Variants in NAGK observed in about 807,000 individuals in gnomAD.
NAGK encodes N-acetyl-D-glucosamine kinase.
In NAGK, 35 loss-of-function variants were observed where a neutral mutation model predicts 42.9. That is an observed-to-expected ratio of 0.82 (90% CI 0.62 to 1.08). NAGK has a LOEUF of 1.08. Among genes scored for constraint, NAGK ranks in the 50% least tolerant of loss-of-function variants. The probability of loss-of-function intolerance (pLI) is 0.00; values close to 1 mark genes in which losing one functional copy is unlikely to be tolerated. For missense variants in NAGK, 446 were observed against 446.0 expected (o/e 1.00, Z 0.00); for synonymous variants, 172 against 176.0 (o/e 0.98, Z 0.18).
chr2:71,077,578 TG>T lies in NAGK; in HGVS notation c.788del (p.Gly263AspfsTer17). ...IDPVLFQGKIGLPILCVGSVW... is the reference protein window; with the variant it reads ...IDPVLFQGKIXLPILCVGSVW... ...CCCAGGTCTTGTTCCAGGGCAAGAT[TG>T]GACTCCCCATCCTGTGCGTGGGCTC... On this transcript the variant is annotated frameshift_variant, in exon 9 of 10. Transcript: ENST00000244204. LOFTEE classifies it high-confidence loss of function. 1 of 1,609,508 alleles carries T rather than the reference TG, an allele frequency of 6.2e-7. No homozygotes were observed. The highest frequency in any genetic ancestry group is 8.5e-7 in the Non-Finnish European group (1 of 1,177,994).
intron 7 of NAGK, 58 bp from the exon 8 acceptor site, chr2:71,076,546 A>G: frequency 7.2e-7 from 1 of 1,388,530 alleles, no homozygotes; most frequent in Non-Finnish European, 1.0e-6. Flanking sequence ...AGGATAGCCC[A>G]GGAATGGCAG....
chr2:71,078,600 A>G lies in NAGK; in HGVS notation c.*92A>G, dbSNP rs565861387. ...TGCTTCCTTTCTCCTTTTTACAAAA[A>G]CAAACATAGAAGAAAATAAATGCAC... On this transcript the variant is annotated 3_prime_UTR_variant, in exon 10 of 10. Transcript: ENST00000244204. 5.5e-5 allele frequency: 75 copies of G among 1,372,744 alleles called. 1 individual carries two copies. The South Asian group carries it at 1.1e-3, about 20-fold the overall frequency. The allele number at this position is 1,372,744 out of a possible 1,614,324, so 85.0% of individuals were successfully genotyped here. A position where few individuals can be genotyped will look rare whatever the true frequency, so the allele number is the denominator to read the frequency against.
At position 71,078,949 on chromosome 2, in the gene NAGK, T is replaced by C. The variant is rs893573649; in HGVS notation, c.*441T>C. On this transcript the variant is annotated 3_prime_UTR_variant, in exon 10 of 10. Coordinates refer to ENST00000244204, the MANE Select transcript of NAGK (RefSeq NM_017567.6). ...GTCAGCAGAAACAAGTGCTCACCATTCAGAACATCACAGGGAGTAACCTTA... is the reference window on the plus strand; with the variant it reads ...GTCAGCAGAAACAAGTGCTCACCATCCAGAACATCACAGGGAGTAACCTTA... The C allele has an allele frequency of 1.9e-5, 3 of 160,974 alleles. No homozygotes were observed. Among genetic ancestry groups the C allele is most frequent in the Non-Finnish European group, 2.7e-5 (2 of 72,964 alleles). The allele number at this position is 160,974 out of a possible 1,614,324, so 10.0% of individuals were successfully genotyped here.
Position 71,076,712 on chromosome 2 carries a change from G to T in NAGK, c.765+11G>T. The T allele has an allele frequency of 2.5e-6, 4 of 1,610,778 alleles. No homozygotes were observed. The highest frequency in any genetic ancestry group is 3.4e-6 in the Non-Finnish European group (4 of 1,177,282). The stretch of plus-strand genomic sequence containing the variant: ...CCCGAGATTGACCCGGTGAGTTGAG[G>T]TGGGAGTGAAGGTGGGGAGCTGCTG... On this transcript the variant is annotated intron_variant, in intron 8 of 9. Coordinates refer to ENST00000244204, the MANE Select transcript of NAGK (RefSeq NM_017567.6).
At chr2:71,069,028 G>A in intron 1 of NAGK, 1 of 1,121,086 alleles carries the variant, frequency 8.9e-7, no homozygotes, top group South Asian at 3.1e-5. Flanking sequence ...TCCTATTCCT[G>A]ACCTCGGACA....
At position 71,078,315 on chromosome 2, in the gene NAGK, C is replaced by T. The variant is rs779868115; in HGVS notation, c.845-3C>T. Reference sequence around the variant, plus strand: ...ATCTCTGTCCTTGTGTTCTTCCCTCCAGGTTTTCTTCTGGCGCTGACCCAG... The same window carrying T: ...ATCTCTGTCCTTGTGTTCTTCCCTCTAGGTTTTCTTCTGGCGCTGACCCAG... On this transcript the variant is annotated splice_region_variant and splice_polypyrimidine_tract_variant and intron_variant, in intron 9 of 9. Transcript: ENST00000244204. 5 of 1,613,854 alleles carry T rather than the reference C, an allele frequency of 3.1e-6. No homozygotes were observed. The South Asian group carries it at 5.5e-5, about 18-fold the overall frequency.
At chr2:71,074,972 GT>G (rs1672156608) in intron 6 of NAGK, 1 of 152,264 alleles carries the variant, frequency 6.6e-6, no homozygotes. Flanking sequence ...CCTTAGAGGT[GT>G]TAAAGATGTA....
At position 71,079,099 on chromosome 2, in the gene NAGK, T is replaced by C. The variant is rs1410759669; in HGVS notation, c.*591T>C. The stretch of plus-strand genomic sequence containing the variant: ...AGGTAAGCAGGACATTTTGAAGTTT[T>C]TCCTATGAATGAGTTTTTGAAAGGT... On this transcript the variant is annotated 3_prime_UTR_variant, in exon 10 of 10. Transcript: ENST00000244204. 13 of 152,448 alleles carry C rather than the reference T, an allele frequency of 8.5e-5. No homozygotes were observed. Among genetic ancestry groups the C allele is most frequent in the Admixed American group, 7.8e-4 (12 of 15,296 alleles). The allele number at this position is 152,448 out of a possible 1,614,324, so 9.4% of individuals were successfully genotyped here. A position where few individuals can be genotyped will look rare whatever the true frequency, so the allele number is the denominator to read the frequency against.
chr2:71,078,615 A>G lies in NAGK; in HGVS notation c.*107A>G. The G allele has an allele frequency of 1.5e-6, 2 of 1,316,270 alleles. No homozygotes were observed. Among genetic ancestry groups the G allele is most frequent in the Non-Finnish European group, 2.0e-6 (2 of 980,786 alleles). The allele number at this position is 1,316,270 out of a possible 1,614,324, so 81.5% of individuals were successfully genotyped here. Reference sequence around the variant, plus strand: ...TTTTACAAAAACAAACATAGAAGAAAATAAATGCACTTTATCCACTCCCCA... The same window carrying G: ...TTTTACAAAAACAAACATAGAAGAAGATAAATGCACTTTATCCACTCCCCA... On this transcript the variant is annotated 3_prime_UTR_variant, in exon 10 of 10. Coordinates refer to ENST00000244204, the MANE Select transcript of NAGK (RefSeq NM_017567.6).
intron 9 of NAGK, 128 bp from the exon 10 acceptor site, chr2:71,078,190 C>A (rs1230384082): frequency 4.6e-6 from 4 of 875,090 alleles, no homozygotes; most frequent in Non-Finnish European, 7.1e-6. Flanking sequence ...GGGCACTTGG[C>A]ATGTAGGCCC....
intron 1 of NAGK, chr2:71,069,733 G>A (rs1438876354): frequency 6.5e-6 from 1 of 154,564 alleles, no homozygotes; most frequent in African/African-American, 2.4e-5. Flanking sequence ...GAAATTTCAT[G>A]TCCTCTTTGA....
intron 6 of NAGK, chr2:71,074,610 A>G (rs184659682): frequency 6.6e-6 from 1 of 152,318 alleles, no homozygotes; most frequent in East Asian, 1.9e-4. Context: ...CCCCTCAGAC[A>G]TTTACTTAAA....
chr2:71,068,724 C>T lies in NAGK; in HGVS notation c.29+12C>T. On this transcript the variant is annotated intron_variant, in intron 1 of 9. Coordinates refer to ENST00000244204, the MANE Select transcript of NAGK (RefSeq NM_017567.6). The stretch of plus-strand genomic sequence containing the variant: ...GGGGGTGTAGAGGGGTGAGTGCGGC[C>T]CGGCGGAGGGAGCCTGGGCCCGAAG... The T allele has an allele frequency of 6.9e-7, 1 of 1,456,438 alleles. No individual in the cohort carries two copies. The highest frequency in any genetic ancestry group is 9.0e-7 in the Non-Finnish European group (1 of 1,107,444). The allele number at this position is 1,456,438 out of a possible 1,614,324, so 90.2% of individuals were successfully genotyped here. A position where few individuals can be genotyped will look rare whatever the true frequency, so the allele number is the denominator to read the frequency against.
At chr2:71,075,267 A>T (rs78301832) in intron 6 of NAGK, 4,389 of 287,832 alleles carry the variant, frequency 0.015, 170 homozygotes, top group African/African-American at 0.085. Context: ...GGAAAAAAAA[A>T]AAATTACAAA....
intron 8 of NAGK, 33 bp from the exon 9 acceptor site, chr2:71,077,525 G>A: frequency 1.3e-6 from 2 of 1,576,754 alleles, no homozygotes; most frequent in Non-Finnish European, 1.7e-6. Flanking sequence ...AGGCTAGGTT[G>A]GCCCCCATAT....
rs913691898 is a variant in NAGK, at chr2:71,072,562, G to A, written c.356-79G>A. 67 of 1,237,204 alleles carry A rather than the reference G, an allele frequency of 5.4e-5. 1 individual carries two copies. The South Asian group carries it at 8.1e-4, about 15-fold the overall frequency. 76.6% of individuals were successfully genotyped at this position (1,237,204 alleles called of 1,614,324 possible). ...ATTCCCTTGCCTGGGGCTGTTTTCT[G>A]TCCTGTCTTTCCACAGTGGCAAGCT... On this transcript the variant is annotated intron_variant, in intron 4 of 9. Transcript: ENST00000244204.
intron 5 of NAGK, 158 bp from the exon 6 acceptor site, chr2:71,073,324 A>AC (rs1349203838): frequency 1.1e-4 from 21 of 190,572 alleles, no homozygotes; most frequent in South Asian, 3.5e-4. Flanking sequence ...AGACCCTCCC[A>AC]CCCCCCTCTC....
rs2103728030 is a variant in NAGK at position 71,078,749 on chromosome 2, C to T, written c.*241C>T. On this transcript the variant is annotated 3_prime_UTR_variant, in exon 10 of 10. Transcript: ENST00000244204. ...TTTAGTCCAAGATTTAAAGCCCTGC[C>T]CCCAGGTGCTCAGCCTGTGATCTGT... is the stretch of plus-strand genomic sequence containing the variant. 1 of 494,702 alleles carries T rather than the reference C, an allele frequency of 2.0e-6. No individual in the cohort carries two copies. Among genetic ancestry groups the T allele is most frequent in the Non-Finnish European group, 3.5e-6 (1 of 283,608 alleles). The allele number at this position is 494,702 out of a possible 1,614,324, so 30.6% of individuals were successfully genotyped here.
intron 5 of NAGK, 144 bp from the exon 6 acceptor site, chr2:71,073,338 C>A (rs1672091685): frequency 5.6e-6 from 3 of 535,892 alleles, no homozygotes; most frequent in Non-Finnish European, 1.0e-5. Context: ...CCCTCTCCCA[C>A]CCCCTGCCAC....
Sources: gnomAD v4.1 joint callset for allele counts on GRCh38, gnomAD v4.1.1 for gene constraint, MANE v1.5 for transcripts, NCBI Gene and HGNC (gene_info 2026-07-23, HGNC 2026-07-21) for gene names.